ATXN1: variants seen among roughly 807,000 people sequenced by gnomAD.
ATXN1 encodes the protein ataxin-1.
ATXN1 carries 8 observed loss-of-function variants against 56.4 expected under a neutral mutation model. The observed-to-expected ratio is 0.14, with a 90% CI of 0.08 to 0.26. ATXN1 has a LOEUF of 0.26. Among genes scored for constraint, ATXN1 ranks in the 10% least tolerant of loss-of-function variants. The pLI is 1.00. For missense variants in ATXN1, 987 were observed against 1,106.5 expected (o/e 0.89, Z 1.53); for synonymous variants, 514 against 494.6 (o/e 1.04, Z -0.52).
chr6:16,439,324 G>A (rs1285888642), intron 6 of ATXN1, among the ~76,000 whole-genome samples: 3 of 127,736 alleles, frequency 2.3e-5, no homozygotes, highest in Non-Finnish European at 4.9e-5. Flanking sequence ...TTCAGAGCTA[G>A]AGACTTCTTT....
chr6:16,439,726 G>A (rs1759475037), intron 6 of ATXN1, among the ~76,000 whole-genome samples: 1 of 152,122 alleles, frequency 6.6e-6, no homozygotes, highest in Non-Finnish European at 1.5e-5. Flanking sequence ...AGTATTTGAG[G>A]TTTAATCCAG....
At chr6:16,452,688 A>G (rs1204643788) in intron 6 of ATXN1, among the ~76,000 whole-genome samples, 2 of 152,242 alleles carry the variant, frequency 1.3e-5, no homozygotes, top group African/African-American at 4.8e-5. Flanking sequence ...TATTTTAAGT[A>G]TCGACATAAA....
intron 2 of ATXN1, among the ~76,000 whole-genome samples, chr6:16,726,842 G>A (rs1759861232): frequency 6.6e-6 from 1 of 152,120 alleles, no homozygotes; most frequent in South Asian, 2.1e-4. Context: ...TGGGCGACAA[G>A]AGCGAAACTT....
intron 2 of ATXN1, among the ~76,000 whole-genome samples, chr6:16,681,922 T>C (rs796887662): frequency 3.9e-5 from 6 of 152,272 alleles, no homozygotes; most frequent in African/African-American, 1.4e-4. Context: ...AAAAGATGCA[T>C]GATTAAAGTA....
At chr6:16,656,079 A>C (rs1758194924) in intron 3 of ATXN1, among the ~76,000 whole-genome samples, 1 of 131,688 alleles carries the variant, frequency 7.6e-6, no homozygotes, top group African/African-American at 3.2e-5. Flanking sequence ...ACAGAGCAAG[A>C]CTCCATCTCA....
intron 2 of ATXN1, among the ~76,000 whole-genome samples, chr6:16,701,224 T>C (rs1333412146): frequency 1.3e-5 from 2 of 152,210 alleles, no homozygotes; most frequent in Non-Finnish European, 2.9e-5. Flanking sequence ...CACCAATGAA[T>C]TTTTTATGAC....
intron 2 of ATXN1, among the ~76,000 whole-genome samples, chr6:16,710,910 G>C (rs561971273): frequency 5.2e-4 from 78 of 151,346 alleles, no homozygotes; most frequent in African/African-American, 1.7e-3. Context: ...TTTTAATAGA[G>C]ACACGGTCTC....
intron 6 of ATXN1, among the ~76,000 whole-genome samples, chr6:16,430,220 G>A (rs542683806): frequency 3.2e-4 from 49 of 152,006 alleles, no homozygotes; most frequent in African/African-American, 1.1e-3. Flanking sequence ...AAGATGTCGC[G>A]AGTCCCTGAA....
At chr6:16,497,611 GT>G (rs1270113959) in intron 5 of ATXN1, among the ~76,000 whole-genome samples, 2 of 152,204 alleles carry the variant, frequency 1.3e-5, no homozygotes, top group Non-Finnish European at 2.9e-5. Context: ...CGCCGTGCAA[GT>G]TCCTCCATCT....
At chr6:16,726,611 T>C (rs751901038) in intron 2 of ATXN1, among the ~76,000 whole-genome samples, 37 of 151,828 alleles carry the variant, frequency 2.4e-4, no homozygotes, top group Non-Finnish European at 4.7e-4. Flanking sequence ...ACACCTATAG[T>C]CCCAGCACTT....
At chr6:16,499,286 A>C (rs964509048) in intron 5 of ATXN1, among the ~76,000 whole-genome samples, 1 of 152,300 alleles carries the variant, frequency 6.6e-6, no homozygotes, top group Middle Eastern at 3.4e-3. Context: ...TTTGAGTATG[A>C]AGTGATTTTA....
chr6:16,697,297 CTT>C (rs1759184933), intron 2 of ATXN1, among the ~76,000 whole-genome samples: 1 of 152,194 alleles, frequency 6.6e-6, no homozygotes, highest in Non-Finnish European at 1.5e-5. Flanking sequence ...TGCCACCAAA[CTT>C]ATAATTTCCA....
intron 4 of ATXN1, among the ~76,000 whole-genome samples, chr6:16,560,942 T>A (rs1375958298): frequency 2.0e-5 from 3 of 152,168 alleles, no homozygotes; most frequent in Non-Finnish European, 2.9e-5. Context: ...AAAAACAACC[T>A]CTTGTTCCTT....
chr6:16,684,935 A>G (rs1190370739), intron 2 of ATXN1, among the ~76,000 whole-genome samples: 1 of 152,052 alleles, frequency 6.6e-6, no homozygotes, highest in Non-Finnish European at 1.5e-5. Flanking sequence ...CGGGAAACAA[A>G]TCAGAAGCAC....
chr6:16,524,891 A>G (rs553111479), intron 4 of ATXN1, among the ~76,000 whole-genome samples: 7 of 152,282 alleles, frequency 4.6e-5, no homozygotes, highest in Non-Finnish European at 1.0e-4. Flanking sequence ...CATCTCTACT[A>G]AAAATACAAA....
At chr6:16,638,555 A>G (rs534352066) in intron 3 of ATXN1, among the ~76,000 whole-genome samples, 4 of 152,088 alleles carry the variant, frequency 2.6e-5, no homozygotes, top group Non-Finnish European at 5.9e-5. Context: ...AAGTGTCACT[A>G]GCTTCCAGAT....
chr6:16,476,018 C>A (rs1196953479), intron 6 of ATXN1, among the ~76,000 whole-genome samples: 2 of 151,956 alleles, frequency 1.3e-5, no homozygotes, highest in Non-Finnish European at 2.9e-5. Flanking sequence ...TACAGGCATG[C>A]ACCACCATGC....
Position 16,760,828 on chromosome 6 carries a change from C to T in ATXN1, c.-730+470G>A, listed in dbSNP as rs1437188242. On this transcript the variant is annotated intron_variant, in intron 1 of 7. Transcript: ENST00000436367. This position sits in a 1 kb window ranked among gnomAD's most constrained non-coding sequence, Gnocchi z 5.3. ...CCCCCCAACCCCAGCCGCCGCCTCC[C>T]CCCTGCGCCACCCGGAGGGAGGAGG... Among the ~76,000 whole-genome samples the T allele has an allele frequency of 6.6e-6, 1 of 151,144 alleles. No homozygotes were observed. Among genetic ancestry groups the T allele is most frequent in the Non-Finnish European group, 1.5e-5 (1 of 67,650 alleles).
chr6:16,541,419 T>C (rs1327555544), intron 4 of ATXN1, among the ~76,000 whole-genome samples: 1 of 152,228 alleles, frequency 6.6e-6, no homozygotes, highest in Non-Finnish European at 1.5e-5. Context: ...TTTCTGTTTC[T>C]TTCTTTGGAG....
Sources: allele counts gnomAD v4.1 joint callset (sites outside exome capture counted in the v4.1 genomes callset), GRCh38; gene constraint gnomAD v4.1.1; non-coding constraint Gnocchi (gnomAD v3.1); transcripts MANE v1.5; gene names NCBI Gene and HGNC (gene_info 2026-07-23, HGNC 2026-07-21).